Variants in GUCY2C observed in about 807,000 individuals in gnomAD.
The protein encoded by GUCY2C is guanylyl cyclase C.
GUCY2C carries 118 observed loss-of-function variants against 131.1 expected under a neutral mutation model. The ratio of observed to expected loss-of-function variants is 0.90; its 90% CI spans 0.78 to 1.05. The LOEUF (loss-of-function observed/expected upper bound fraction) is 1.05, where lower values mean the gene tolerates loss of function less well. Among genes scored for constraint, GUCY2C ranks in the 50% least tolerant of loss-of-function variants. The pLI is 0.00. For missense variants in GUCY2C, 1,161 were observed against 1,304.4 expected (o/e 0.89, Z 1.69); for synonymous variants, 452 against 457.8 (o/e 0.99, Z 0.16).
intron 1 of GUCY2C, among the ~76,000 whole-genome samples, chr12:14,690,578 G>C (rs934675519): frequency 6.6e-6 from 1 of 151,742 alleles, no homozygotes; most frequent in African/African-American, 2.4e-5. Context: ...AGTCTGCACT[G>C]TTGCTCTGGC....
In GUCY2C at chr12:14,622,155, C is replaced by T. The variant is rs376557537; in HGVS notation, c.2451G>A (p.Pro817=). 1.8e-5 allele frequency: 28 copies of T among 1,589,416 alleles called. No homozygotes were observed. Among genetic ancestry groups the T allele is most frequent in the Admixed American group, 1.5e-4 (8 of 54,644 alleles). The change falls in exon 22 of 27, where the codon CCG becomes CCA. Residue 817 remains proline, a synonymous_variant. Transcript: ENST00000261170. ...KSLKEKGFVE[P]ELYEEVTIYF... is the part of the protein sequence containing the mutation. Reference sequence around the variant, plus strand: ...AGATTGTAACTTCCTCATATAGTTCCGGCTCCACAAAGCCTTTCTCCTTCA... The same window carrying T: ...AGATTGTAACTTCCTCATATAGTTCTGGCTCCACAAAGCCTTTCTCCTTCA...
chr12:14,641,124 G>A lies in GUCY2C; in HGVS notation c.2026C>T (p.Arg676Trp), dbSNP rs201111235. The A allele has an allele frequency of 1.7e-5, 28 of 1,613,544 alleles. No homozygotes were observed. Among genetic ancestry groups the A allele is most frequent in the African/African-American group, 1.6e-4 (12 of 74,886 alleles). The change falls in exon 18 of 27, where the codon CGG (arginine) becomes TGG (tryptophan). Residue 676 changes from arginine (R) to tryptophan (W), a missense_variant. By Grantham distance (101) the Arg-to-Trp change is moderately radical. Transcript: ENST00000261170. ...CTCAAAGTGTAGAAGGTTTCTTTCC[G>A]CAGGATGATCTCCTGTGCGATGATC... is the stretch of plus-strand genomic sequence containing the variant. ...YGIIAQEIIL[R>W]KETFYTLSCR...
chr12:14,655,038 G>A (rs1357941153), intron 12 of GUCY2C, among the ~76,000 whole-genome samples: 3 of 152,150 alleles, frequency 2.0e-5, no homozygotes, highest in Non-Finnish European at 4.4e-5. Flanking sequence ...TAAAGCAAAT[G>A]CCTAGCTGTA....
intron 12 of GUCY2C, 138 bp downstream of exon 12, chr12:14,656,374 G>T: frequency 1.6e-6 from 1 of 606,242 alleles, no homozygotes; most frequent in Admixed American, 2.5e-5. Context: ...AAGGGAGAGA[G>T]CTGAAAATTA....
chr12:14,612,899 C>A lies in GUCY2C; in HGVS notation c.*218G>T, dbSNP rs1375091447. 2 of 457,846 alleles carry A rather than the reference C, an allele frequency of 4.4e-6. No individual in the cohort carries two copies. Among genetic ancestry groups the A allele is most frequent in the Non-Finnish European group, 7.8e-6 (2 of 256,090 alleles). 28.4% of individuals were successfully genotyped at this position (457,846 alleles called of 1,614,324 possible). A position where few individuals can be genotyped will look rare whatever the true frequency, so the allele number is the denominator to read the frequency against. On this transcript the variant is annotated 3_prime_UTR_variant, in exon 27 of 27. Coordinates refer to ENST00000261170, the MANE Select transcript of GUCY2C (RefSeq NM_004963.4). ...TCCAGGTAGAAGCTCCCTGGAACAA[C>A]TGCTGGAATAAGGTTCCAGAGTGGA...
In GUCY2C at chr12:14,683,140, C is replaced by T. The variant is rs1203463696; in HGVS notation, c.513G>A (p.Leu171=). Residue 171 remains leucine, a synonymous_variant, in exon 4 of 27, where the codon TTG becomes TTA. Coordinates refer to ENST00000261170, the MANE Select transcript of GUCY2C (RefSeq NM_004963.4). ...GATCGTTGGTTTTCCAAAAGTTAAC[C>T]AAGAAGTACATCAACTTTCTAGCTG... is the stretch of plus-strand genomic sequence containing the variant. The part of the protein sequence containing the change: ...MSPARKLMYF[L]VNFWKTNDLP... The T allele has an allele frequency of 9.3e-6, 15 of 1,612,964 alleles. No individual in the cohort carries two copies. Among genetic ancestry groups the T allele is most frequent in the Middle Eastern group, 3.3e-4 (2 of 6,082 alleles).
rs567346620 is a variant in GUCY2C at position 14,680,276 on chromosome 12, G to C, written c.734-523C>G. 8.5e-5 allele frequency among the ~76,000 whole-genome samples: 13 copies of C among 152,280 alleles called. No homozygotes were observed. The South Asian group carries it at 2.7e-3, about 32-fold the overall frequency. ...CTTCATCTTAGTAACTCCAATGCCA[G>C]AGTCCAGTCTGAAGTCTACCACTAA... is the stretch of plus-strand genomic sequence containing the variant. On this transcript the variant is annotated intron_variant, in intron 5 of 26. Transcript: ENST00000261170.
intron 16 of GUCY2C, 106 bp downstream of exon 16, chr12:14,645,123 T>C: frequency 1.5e-6 from 1 of 663,144 alleles, no homozygotes; most frequent in Non-Finnish European, 2.6e-6. Context: ...TAGCTATTAT[T>C]ATCATTTTAC....
Position 14,613,266 on chromosome 12 carries a change from C to T in GUCY2C, c.3073G>A (p.Glu1025Lys). The T allele has an allele frequency of 1.2e-6, 2 of 1,613,344 alleles. 1 individual carries two copies. The change falls in exon 27 of 27, where the codon GAA becomes AAA. Residue 1025 changes from glutamate to lysine, a missense_variant. By Grantham distance (56) the Glu-to-Lys change is moderately conservative (BLOSUM62 1). Transcript: ENST00000261170. This position sits in a 1 kb window ranked among gnomAD's most constrained non-coding sequence, Gnocchi z 4.9. ...TVENQQRLQA[E>K]FSDMIANSLQ... ...GAGTTGGCAATCATGTCTGAAAATT[C>T]TGCTTGCAAACGCTGTTGATTCTCC...
At chr12:14,676,183 A>C (rs1456341543) in intron 7 of GUCY2C, among the ~76,000 whole-genome samples, 1 of 152,122 alleles carries the variant, frequency 6.6e-6, no homozygotes, top group Non-Finnish European at 1.5e-5. Flanking sequence ...AATAGATTTA[A>C]TCATATGAAA....
intron 10 of GUCY2C, among the ~76,000 whole-genome samples, chr12:14,666,664 G>C (rs1947986944): frequency 6.6e-6 from 1 of 150,980 alleles, no homozygotes; most frequent in Non-Finnish European, 1.5e-5. Flanking sequence ...GAATCCGGGA[G>C]GCAGAGGTTG....
chr12:14,615,101 C>A (rs1463352586), intron 25 of GUCY2C, among the ~76,000 whole-genome samples, 158 bp from the exon 26 acceptor site: 2 of 152,176 alleles, frequency 1.3e-5, no homozygotes, highest in East Asian at 3.8e-4. Context: ...TTATGATTTG[C>A]ATTATCTCTA....
chr12:14,669,267 C>A (rs1948050891), intron 10 of GUCY2C, among the ~76,000 whole-genome samples: 1 of 147,812 alleles, frequency 6.8e-6, no homozygotes, highest in Non-Finnish European at 1.5e-5. Flanking sequence ...TGCAGTAGAA[C>A]AAAGATAGCT....
chr12:14,657,498 C>T (rs976151337), intron 11 of GUCY2C, among the ~76,000 whole-genome samples: 3 of 151,724 alleles, frequency 2.0e-5, no homozygotes, highest in East Asian at 3.9e-4. Flanking sequence ...GGGGATTAGG[C>T]CCCCAACCCC....
At chr12:14,674,501 A>G (rs779925622) in intron 8 of GUCY2C, 124 bp downstream of exon 8, 17 of 864,706 alleles carry the variant, frequency 2.0e-5, no homozygotes, top group Non-Finnish European at 3.1e-5. Context: ...GTTTGCATCC[A>G]GTTGAGTTCA....
chr12:14,681,484 T>C lies in GUCY2C; in HGVS notation c.612-7A>G, dbSNP rs536557744. On this transcript the variant is annotated splice_polypyrimidine_tract_variant and splice_region_variant and intron_variant, in intron 4 of 26. Coordinates refer to ENST00000261170, the MANE Select transcript of GUCY2C (RefSeq NM_004963.4). ...CTCCAGAGCATTAAGGTACCTGGAATAGGAAAAAGAGAAACTAAAACAGCT... is the reference window on the plus strand; with the variant it reads ...CTCCAGAGCATTAAGGTACCTGGAACAGGAAAAAGAGAAACTAAAACAGCT... 5.3e-5 allele frequency: 78 copies of C among 1,472,964 alleles called. No homozygotes were observed. The East Asian group carries it at 1.8e-3, about 34-fold the overall frequency. 91.2% of individuals were successfully genotyped at this position (1,472,964 alleles called of 1,614,324 possible).
At chr12:14,647,620 TC>T (rs1947548515) in intron 15 of GUCY2C, among the ~76,000 whole-genome samples, 1 of 152,172 alleles carries the variant, frequency 6.6e-6, no homozygotes, top group South Asian at 2.1e-4. Flanking sequence ...ACCAGCCAGT[TC>T]CAGCACATCA....
rs1224845500 is a variant in GUCY2C at position 14,679,724 on chromosome 12, G to A, written c.763C>T (p.Leu255Phe). 6.3e-7 allele frequency: 1 copy of A among 1,591,494 alleles called. No homozygotes were observed. The highest frequency in any genetic ancestry group is 1.1e-5 in the South Asian group (1 of 90,638). ...GCTCGGTCACCCTTCAGCTTGTAGA[G>A]GAACTCTGGACCACCACACATAATA... ...VIIMCGGPEF[L>F]YKLKGDRAVA... Residue 255 changes from leucine (L) to phenylalanine (F), a missense_variant, in exon 6 of 27, where the codon CTC (leucine) becomes TTC (phenylalanine). Transcript: ENST00000261170.
At chr12:14,625,367 A>G (rs2417381) in intron 21 of GUCY2C, among the ~76,000 whole-genome samples, 145,876 of 150,252 alleles carry the variant, frequency 0.97, 70,923 homozygotes, top group Middle Eastern at 1. Context: ...TTGCTCTGTC[A>G]CCCAGGCTGG....
Sources: gnomAD v4.1 joint callset for allele counts (sites outside exome capture counted in the v4.1 genomes callset) on GRCh38, gnomAD v4.1.1 for gene constraint, Gnocchi (gnomAD v3.1) non-coding constraint, MANE v1.5 for transcripts, NCBI Gene and HGNC (gene_info 2026-07-23, HGNC 2026-07-21) for gene names.